IRAG2: variants seen among roughly 807,000 people sequenced by gnomAD.
The protein encoded by IRAG2 is lymphoid restricted membrane protein.
IRAG2 carries 45 observed loss-of-function variants against 69.9 expected under a neutral mutation model. That is an observed-to-expected ratio of 0.64 (90% CI 0.51 to 0.83). IRAG2 has a LOEUF of 0.83. Ranked by LOEUF, IRAG2 falls within the 40% of genes least tolerant of loss-of-function variation. The pLI, the probability that IRAG2 is intolerant of heterozygous loss-of-function variation, is 0.00. For missense variants in IRAG2, 520 were observed against 587.0 expected, an observed-to-expected ratio of 0.89 and a Z score of 1.18; for synonymous variants, 193 against 202.4, an observed-to-expected ratio of 0.95 and a Z score of 0.40.
At chr12:25,106,360 TATATAA>T (rs1007803177) in intron 20 of IRAG2, among the ~76,000 whole-genome samples, 5 of 141,540 alleles carry the variant, frequency 3.5e-5, no homozygotes, top group African/African-American at 7.7e-5. Flanking sequence ...TATTTTTATA[TATATAA>T]ATATATATAT....
chr12:25,057,150 G>A (rs1487612606), intron 1 of IRAG2, among the ~76,000 whole-genome samples: 1 of 151,710 alleles, frequency 6.6e-6, no homozygotes, highest in African/African-American at 2.4e-5. Flanking sequence ...AGTGATGCAT[G>A]TGATCTTCTT....
Position 25,054,786 on chromosome 12 carries a change from C to T in IRAG2, c.-447+1830C>T, listed in dbSNP as rs183652275. 4.3e-4 allele frequency among the ~76,000 whole-genome samples: 65 copies of T among 152,288 alleles called. 2 individuals are homozygous for T. The highest frequency in any genetic ancestry group is 1.3e-3 in the African/African-American group (54 of 41,554). On this transcript the variant is annotated intron_variant, in intron 1 of 21. Transcript: ENST00000556887. ...TTTTGCTTATATGACCATGTACTTA[C>T]GATCTTTCTAACAATGCCCTTTAAA...
rs1947917095 is a variant in IRAG2 at position 25,089,879 on chromosome 12, T to C, written c.465+89T>C. 1.2e-5 allele frequency: 17 copies of C among 1,394,750 alleles called. No homozygotes were observed. The South Asian group carries it at 1.6e-4, about 14-fold the overall frequency. 86.4% of individuals were successfully genotyped at this position (1,394,750 alleles called of 1,614,324 possible). On this transcript the variant is annotated intron_variant, in intron 13 of 21. Coordinates refer to ENST00000556887, the MANE Select transcript of IRAG2 (RefSeq NM_001366544.2). ...CTTCATGTTTTGGCACAAGCTCTCA[T>C]ATGCTCGGTGTCTGTTTGGCTTGGC...
intron 5 of IRAG2, 55 bp from the exon 6 acceptor site, chr12:25,069,295 G>C (rs1370525253): frequency 1.3e-6 from 1 of 784,364 alleles, no homozygotes; most frequent in East Asian, 2.4e-5. Context: ...TTTAGTATCT[G>C]CTAAGATTTG....
Position 25,052,729 on chromosome 12 carries a change from G to A in IRAG2, c.-674G>A, listed in dbSNP as rs906451487. ...TCAGTTTTGCCTGCATCATAAGAGT[G>A]AGCACTCCATTGCTTTCTTTCCTGG... On this transcript the variant is annotated 5_prime_UTR_variant, in exon 1 of 22. Coordinates refer to ENST00000556887, the MANE Select transcript of IRAG2 (RefSeq NM_001366544.2). 1.0e-5 allele frequency: 4 copies of A among 398,300 alleles called. No homozygotes were observed. Among genetic ancestry groups the A allele is most frequent in the African/African-American group, 8.2e-5 (4 of 48,618 alleles). The allele number at this position is 398,300 out of a possible 1,614,324, so 24.7% of individuals were successfully genotyped here.
chr12:25,040,921 CAAAT>C lies in IRAG2; in HGVS notation c.2144+2788_2144+2791del, dbSNP rs144327697. Among the ~76,000 whole-genome samples the C allele has an allele frequency of 4.9e-3, 746 of 152,182 alleles. 4 individuals are homozygous for C. The highest frequency in any genetic ancestry group is 9.1e-3 in the Non-Finnish European group (618 of 68,004). On this transcript the variant is annotated intron_variant, in intron 16 of 38. Transcript: ENST00000636465. ...TCTAGTAAAGGATGCAAATAACAAA[CAAAT>C]AAACATATAATGTCAGAGAGTGTTA...
At chr12:25,096,718 T>C in intron 14 of IRAG2, 192 bp from the exon 15 acceptor site, 1 of 424,080 alleles carries the variant, frequency 2.4e-6, no homozygotes, top group Non-Finnish European at 4.2e-6. Flanking sequence ...ATCACCTGCG[T>C]ATATCTACCC....
intron 7 of IRAG2, among the ~76,000 whole-genome samples, chr12:25,021,313 AC>A (rs1565528013): frequency 6.6e-6 from 1 of 151,742 alleles, no homozygotes; most frequent in East Asian, 1.9e-4. Flanking sequence ...TTTCTCAGTC[AC>A]ATTCACAATA....
At chr12:25,053,193 T>C (rs1166835552) in intron 1 of IRAG2, among the ~76,000 whole-genome samples, 4 of 151,948 alleles carry the variant, frequency 2.6e-5, no homozygotes, top group African/African-American at 4.8e-5. Flanking sequence ...TGGTTTTGTC[T>C]GTGGCTGTTT....
In IRAG2 at chr12:25,040,136, G is replaced by A. The variant is rs150223355; in HGVS notation, c.2144+1999G>A. Among the ~76,000 whole-genome samples the A allele has an allele frequency of 1.7e-3, 258 of 152,310 alleles. 1 individual carries two copies. The highest frequency in any genetic ancestry group is 6.0e-3 in the African/African-American group (248 of 41,558). ...TCAGCATAAGATGGTTATAACCTCT[G>A]GCTTTTGGACACAATTTAAAACTGA... On this transcript the variant is annotated intron_variant, in intron 16 of 38. Coordinates refer to the IRAG2 transcript ENST00000636465.
chr12:25,026,658 G>C (rs1217739868), intron 8 of IRAG2: 8 of 403,918 alleles, frequency 2.0e-5, no homozygotes, highest in Non-Finnish European at 3.0e-5. Flanking sequence ...GGGAGTAGTG[G>C]CTGAGGTTGA....
intron 2 of IRAG2, among the ~76,000 whole-genome samples, chr12:25,062,265 T>C (rs1945681341): frequency 6.6e-6 from 1 of 152,046 alleles, no homozygotes; most frequent in South Asian, 2.1e-4. Flanking sequence ...ATGTATCTGT[T>C]TCTAGGGCAT....
intron 8 of IRAG2, among the ~76,000 whole-genome samples, chr12:25,024,221 T>A (rs1944605701): frequency 6.6e-6 from 1 of 152,222 alleles, no homozygotes; most frequent in Admixed American, 6.5e-5. Context: ...GGATGTTATC[T>A]AATCATTTTC....
At chr12:25,065,939 G>A (rs1300403890) in intron 4 of IRAG2, among the ~76,000 whole-genome samples, 1 of 152,048 alleles carries the variant, frequency 6.6e-6, no homozygotes, top group Non-Finnish European at 1.5e-5. Flanking sequence ...TAAAGTGCTG[G>A]GATTACAGGC....
exon 15 of IRAG2, chr12:25,036,593 A>C (rs900714396): frequency 2.5e-6 from 1 of 398,788 alleles, no homozygotes; most frequent in African/African-American, 2.1e-5. Context: ...AGCACGAAGA[A>C]ATTTCTAAAA....
intron 16 of IRAG2, among the ~76,000 whole-genome samples, chr12:25,043,557 A>G (rs1272594754): frequency 1.3e-5 from 2 of 152,212 alleles, no homozygotes; most frequent in East Asian, 1.9e-4. Flanking sequence ...TATGTATCCA[A>G]TGTTTCAATT....
the IRAG2 span, among the ~76,000 whole-genome samples, chr12:24,998,286 C>G: frequency 6.6e-6 from 1 of 151,500 alleles, no homozygotes; most frequent in Non-Finnish European, 1.5e-5. Context: ...AGGAAAGTTT[C>G]TAGCCTATAC....
chr12:25,010,146 T>C (rs1187539900), intron 2 of IRAG2, among the ~76,000 whole-genome samples: 1 of 152,186 alleles, frequency 6.6e-6, no homozygotes, highest in Non-Finnish European at 1.5e-5. Context: ...TATTGCTGGC[T>C]TTCCAGCTTG....
At chr12:25,101,831 T>C (rs1948765683) in intron 16 of IRAG2, 3 of 458,132 alleles carry the variant, frequency 6.5e-6, no homozygotes, top group East Asian at 1.2e-4. Flanking sequence ...ATAAACAATA[T>C]GAACTTTTCT....
Sources: allele counts gnomAD v4.1 joint callset (sites outside exome capture counted in the v4.1 genomes callset), GRCh38; gene constraint gnomAD v4.1.1; transcripts MANE v1.5; gene names NCBI Gene and HGNC (gene_info 2026-07-23, HGNC 2026-07-21).